Variants in TNR observed in about 807,000 individuals in gnomAD.
TNR encodes tenascin R, also known as tenascin-R.
TNR carries 45 observed loss-of-function variants against 150.4 expected under a neutral mutation model. The ratio of observed to expected loss-of-function variants is 0.30; its 90% CI spans 0.24 to 0.38. The LOEUF (loss-of-function observed/expected upper bound fraction) is 0.38. Among genes scored for constraint, TNR ranks in the 10% least tolerant of loss-of-function variants. TNR has a pLI of 1.00. For synonymous variants in TNR, 687 were observed against 678.4 expected, an observed-to-expected ratio of 1.01 and a Z score of -0.20; for missense variants, 1,544 against 1,759.1, an observed-to-expected ratio of 0.88 and a Z score of 2.19.
intron 1 of TNR, among the ~76,000 whole-genome samples, chr1:175,579,448 G>A (rs560537900): frequency 4.0e-4 from 61 of 152,126 alleles, no homozygotes; most frequent in African/African-American, 1.4e-3. Flanking sequence ...GGGACTGGCA[G>A]ACCAGGCAGA....
At chr1:175,679,855 T>C (rs1360614437) in intron 1 of TNR, among the ~76,000 whole-genome samples, 7 of 152,188 alleles carry the variant, frequency 4.6e-5, no homozygotes, top group Non-Finnish European at 1.0e-4. Flanking sequence ...CTGACTTCTG[T>C]TTCATCTGCC....
At chr1:175,517,179 C>A (rs142485354) in intron 2 of TNR, among the ~76,000 whole-genome samples, 1 of 152,290 alleles carries the variant, frequency 6.6e-6, no homozygotes, top group African/African-American at 2.4e-5. Flanking sequence ...CTACCTCCCC[C>A]CAACATTTCC....
intron 2 of TNR, among the ~76,000 whole-genome samples, chr1:175,490,443 T>A (rs1344796659): frequency 2.6e-5 from 4 of 152,076 alleles, no homozygotes; most frequent in African/African-American, 7.2e-5. Flanking sequence ...GACAACCTAC[T>A]GAATGGGAGA....
At chr1:175,544,810 G>A (rs1660623784) in intron 1 of TNR, among the ~76,000 whole-genome samples, 1 of 152,184 alleles carries the variant, frequency 6.6e-6, no homozygotes. Context: ...GTTTTTCTTG[G>A]GAGATGACTT....
intron 1 of TNR, among the ~76,000 whole-genome samples, chr1:175,742,936 T>G (rs1184961154): frequency 2.0e-5 from 3 of 149,264 alleles, no homozygotes; most frequent in Non-Finnish European, 4.4e-5. Context: ...GCAATTTAGC[T>G]CAGACCTCAC....
intron 1 of TNR, among the ~76,000 whole-genome samples, chr1:175,589,072 G>T (rs1395227853): frequency 8.5e-5 from 13 of 152,098 alleles, no homozygotes; most frequent in Admixed American, 4.6e-4. Flanking sequence ...CTCTTAGTCA[G>T]TGTCCACAGT....
intron 1 of TNR, among the ~76,000 whole-genome samples, chr1:175,623,446 A>G (rs906145843): frequency 6.1e-4 from 93 of 152,098 alleles, no homozygotes; most frequent in Non-Finnish European, 7.1e-4. Flanking sequence ...GGGCATCCCA[A>G]TTTGTTGGAG....
chr1:175,501,719 T>C (rs531050906), intron 2 of TNR, among the ~76,000 whole-genome samples: 2 of 152,364 alleles, frequency 1.3e-5, no homozygotes, highest in Admixed American at 1.3e-4. Flanking sequence ...TCTTCTTTCC[T>C]TTCTTGCTTC....
chr1:175,593,709 C>T (rs1479617784), intron 1 of TNR, among the ~76,000 whole-genome samples: 1 of 152,148 alleles, frequency 6.6e-6, no homozygotes, highest in African/African-American at 2.4e-5. Flanking sequence ...GAGTCTTCAC[C>T]AGACTCTGTC....
At chr1:175,620,852 GAGA>G (rs1490926211) in intron 1 of TNR, among the ~76,000 whole-genome samples, 1 of 152,064 alleles carries the variant, frequency 6.6e-6, no homozygotes, top group African/African-American at 2.4e-5. Context: ...AAAAGAGAGA[GAGA>G]AGCTTTTCTA....
chr1:175,459,821 G>A (rs1016815), intron 2 of TNR, among the ~76,000 whole-genome samples: 93,110 of 151,914 alleles, frequency 0.61, 28,588 homozygotes, highest in East Asian at 0.71. Context: ...AGTAATGCCC[G>A]GAAAGATTCT....
chr1:175,682,701 G>T (rs544281008), intron 1 of TNR, among the ~76,000 whole-genome samples: 1 of 152,140 alleles, frequency 6.6e-6, no homozygotes, highest in South Asian at 2.1e-4. Context: ...CTCCCTTCCT[G>T]CCTCGGTCAT....
chr1:175,629,909 T>C (rs1027630993), intron 1 of TNR, among the ~76,000 whole-genome samples: 1 of 152,150 alleles, frequency 6.6e-6, no homozygotes, highest in Non-Finnish European at 1.5e-5. Flanking sequence ...AAAGCGGTGA[T>C]AGTTGAGGCA....
At chr1:175,714,452 C>T (rs1307331623) in intron 1 of TNR, among the ~76,000 whole-genome samples, 1 of 152,128 alleles carries the variant, frequency 6.6e-6, no homozygotes, top group Non-Finnish European at 1.5e-5. Flanking sequence ...AGACAGTCCT[C>T]CCTCCCTCAC....
intron 21 of TNR, among the ~76,000 whole-genome samples, chr1:175,328,365 T>C (rs543108950): frequency 6.6e-6 from 1 of 152,198 alleles, no homozygotes; most frequent in African/African-American, 2.4e-5. Flanking sequence ...CCTTGGGAAA[T>C]GGGGAGCAGG....
At chr1:175,705,197 T>C (rs1666813071) in intron 1 of TNR, among the ~76,000 whole-genome samples, 1 of 152,104 alleles carries the variant, frequency 6.6e-6, no homozygotes, top group African/African-American at 2.4e-5. Flanking sequence ...GTCTCAGAGA[T>C]AGAAAGACTT....
chr1:175,331,059 T>G (rs866342744), intron 20 of TNR, among the ~76,000 whole-genome samples: 32 of 121,834 alleles, frequency 2.6e-4, no homozygotes, highest in African/African-American at 9.9e-4. Flanking sequence ...CTTTCTTTCT[T>G]TCTTTCTTTC....
At chr1:175,371,090 A>G (rs945182415) in intron 9 of TNR, among the ~76,000 whole-genome samples, 7 of 148,104 alleles carry the variant, frequency 4.7e-5, no homozygotes, top group Non-Finnish European at 9.0e-5. Flanking sequence ...AACCACATGT[A>G]TCCGAGGCAT....
Position 175,331,059 on chromosome 1 carries a change from T to TTCTTTCTTTCTTTCCTTC in TNR, c.3632-825_3632-824insGAAGGAAAGAAAGAAAGA, listed in dbSNP as rs1553203373. ...TTTCTTTCTTTCTTTCTTTCTTTCT[T>TTCTTTCTTTCTTTCCTTC]TCTTTCTTTCTTTCTTTCCTTCTTT... On this transcript the variant is annotated intron_variant, in intron 20 of 22. Coordinates refer to ENST00000367674, the MANE Select transcript of TNR (RefSeq NM_003285.3). Among the ~76,000 whole-genome samples, 317 of 121,794 alleles carry TTCTTTCTTTCTTTCCTTC rather than the reference T, an allele frequency of 2.6e-3. 8 individuals are homozygous for TTCTTTCTTTCTTTCCTTC. The highest frequency in any genetic ancestry group is 4.7e-3 in the Admixed American group (56 of 11,796). 79.9% of individuals were successfully genotyped at this position (121,794 alleles called of 152,430 possible).
Sources: gnomAD v4.1 joint callset for allele counts (sites outside exome capture counted in the v4.1 genomes callset) on GRCh38, gnomAD v4.1.1 for gene constraint, MANE v1.5 for transcripts, NCBI Gene and HGNC (gene_info 2026-07-23, HGNC 2026-07-21) for gene names.